Variants in BNC1 observed in about 807,000 individuals in gnomAD.
The protein encoded by BNC1 is basonuclin zinc finger protein 1.
BNC1 carries 8 observed loss-of-function variants against 66.5 expected under a neutral mutation model. That is an observed-to-expected ratio of 0.12 (90% CI 0.07 to 0.22). BNC1 has a LOEUF of 0.22. Among genes scored for constraint, BNC1 ranks in the 10% least tolerant of loss-of-function variants. The pLI, the probability that BNC1 is intolerant of heterozygous loss-of-function variation, is 1.00. For missense variants in BNC1, 1,069 were observed against 1,241.3 expected (o/e 0.86, Z 2.09); for synonymous variants, 454 against 452.6 (o/e 1.00, Z -0.04).
chr15:83,275,688 G>A (rs1197205472), intron 1 of BNC1, among the ~76,000 whole-genome samples: 1 of 152,076 alleles, frequency 6.6e-6, no homozygotes, highest in Non-Finnish European at 1.5e-5. Flanking sequence ...AAGTATTTAA[G>A]GGAGAAGGCA....
chr15:83,278,085 G>A (rs1178177763), intron 1 of BNC1, among the ~76,000 whole-genome samples: 2 of 152,106 alleles, frequency 1.3e-5, no homozygotes, highest in Admixed American at 6.5e-5. Context: ...AAGGACAACC[G>A]GGAAGAAGAG....
intron 1 of BNC1, chr15:83,283,437 G>C: frequency 8.0e-7 from 1 of 1,245,788 alleles, no homozygotes; most frequent in Non-Finnish European, 1.0e-6. Context: ...GCCGCCGCCC[G>C]GCTCCCAGCA....
intron 1 of BNC1, among the ~76,000 whole-genome samples, chr15:83,280,248 TC>T (rs1460221914): frequency 2.0e-5 from 3 of 152,212 alleles, no homozygotes; most frequent in Non-Finnish European, 4.4e-5. Flanking sequence ...ATATATTTTT[TC>T]CTTTATAACC....
At chr15:83,258,256 C>G in intron 4 of BNC1, 130 bp from the exon 5 acceptor site, 2 of 935,458 alleles carry the variant, frequency 2.1e-6, no homozygotes, top group Non-Finnish European at 3.1e-6. Context: ...AGGGGGTAGG[C>G]CCCCATGGGA....
intron 1 of BNC1, among the ~76,000 whole-genome samples, chr15:83,270,688 TTTTAGTA>T (rs549066221): frequency 1.1e-3 from 160 of 152,056 alleles, no homozygotes; most frequent in Non-Finnish European, 1.1e-3. Context: ...TTGTTTACCT[TTTTAGTA>T]TTGAGTTATA....
At chr15:83,266,248 T>C (rs1195215383) in intron 3 of BNC1, among the ~76,000 whole-genome samples, 1 of 73,896 alleles carries the variant, frequency 1.4e-5, no homozygotes, top group African/African-American at 5.0e-5. Context: ...AAAAGAAAAC[T>C]GGGGTGTGGG....
intron 1 of BNC1, 95 bp downstream of exon 1, chr15:83,284,435 C>A: frequency 1.2e-6 from 1 of 836,354 alleles, no homozygotes; most frequent in Non-Finnish European, 1.5e-6. Context: ...GGAGGTGGCC[C>A]TCGGGTACCC....
At chr15:83,283,573 A>C in intron 1 of BNC1, 2 of 932,244 alleles carry the variant, frequency 2.1e-6, no homozygotes, top group Non-Finnish European at 2.6e-6. Flanking sequence ...GGCGCTTCCC[A>C]TGCAAACCCC....
chr15:83,283,072 G>GCCCCCC, intron 1 of BNC1: 1 of 1,298,970 alleles, frequency 7.7e-7, no homozygotes, highest in Non-Finnish European at 1.0e-6. Flanking sequence ...GATGCCCCCC[G>GCCCCCC]CCCCCCAACC....
intron 1 of BNC1, among the ~76,000 whole-genome samples, chr15:83,275,254 C>T (rs1332546808): frequency 6.6e-6 from 1 of 152,198 alleles, no homozygotes; most frequent in Admixed American, 6.5e-5. Flanking sequence ...AATCCCAGCA[C>T]TTTGGAAGGC....
At position 83,264,808 on chromosome 15, in the gene BNC1, G is replaced by T. The variant is rs767699528; in HGVS notation, c.443C>A (p.Ser148Ter). 6.2e-7 allele frequency: 1 copy of T among 1,613,112 alleles called. No homozygotes were observed. Residue 148 changes from serine to a stop codon, truncating the protein, a stop_gained, in exon 4 of 5, where the codon TCA becomes TAA. Transcript: ENST00000345382. LOFTEE classifies it high-confidence loss of function. Reference protein sequence around the residue: ...YIRGYVLQDASGKVLDHWSIM... With the variant: ...YIRGYVLQDA ...GCTCCAGTGATCCAACACCTTTCCT[G>T]ATGCATCCTAAACCCAAACCAGATG...
chr15:83,281,229 C>G (rs2038375801), intron 1 of BNC1, among the ~76,000 whole-genome samples: 1 of 152,100 alleles, frequency 6.6e-6, no homozygotes, highest in African/African-American at 2.4e-5. Context: ...ACAAGATATG[C>G]AGAAATAAGG....
chr15:83,276,226 A>T (rs78185025), intron 1 of BNC1, among the ~76,000 whole-genome samples: 26 of 152,322 alleles, frequency 1.7e-4, no homozygotes, highest in Non-Finnish European at 3.2e-4. Flanking sequence ...CACAACAAGT[A>T]AGTTCTTCGG....
intron 1 of BNC1, among the ~76,000 whole-genome samples, 176 bp downstream of exon 1, chr15:83,284,354 G>A (rs2038420514): frequency 6.6e-6 from 1 of 151,606 alleles, no homozygotes. Context: ...GCCGCCTCCC[G>A]GCCGGAGACC....
At chr15:83,266,813 G>GA in intron 3 of BNC1, 23 bp downstream of exon 3, 1 of 1,602,412 alleles carries the variant, frequency 6.2e-7, no homozygotes, top group South Asian at 1.1e-5. Context: ...ACCCTAGGAG[G>GA]ACAATGTTCA....
chr15:83,274,881 G>A (rs1031928598), intron 1 of BNC1, among the ~76,000 whole-genome samples: 2 of 152,166 alleles, frequency 1.3e-5, no homozygotes. Flanking sequence ...GGATACTAGG[G>A]GAGGATTACG....
chr15:83,267,704 C>T (rs187895071), intron 2 of BNC1, among the ~76,000 whole-genome samples: 3 of 152,176 alleles, frequency 2.0e-5, no homozygotes, highest in South Asian at 2.1e-4. Flanking sequence ...TAAATCCAAA[C>T]GTAAATTTGA....
intron 1 of BNC1, among the ~76,000 whole-genome samples, chr15:83,282,876 A>ACT (rs920327210): frequency 1.3e-5 from 2 of 150,326 alleles, no homozygotes; most frequent in East Asian, 3.9e-4. Context: ...TCACACACAC[A>ACT]CTCTCTCTCT....
intron 1 of BNC1, among the ~76,000 whole-genome samples, chr15:83,273,480 T>G (rs1233236825): frequency 1.3e-5 from 2 of 152,238 alleles, no homozygotes; most frequent in African/African-American, 4.8e-5. Flanking sequence ...GTTTACAACA[T>G]TCTGAACTCA....
Sources: allele counts gnomAD v4.1 joint callset (sites outside exome capture counted in the v4.1 genomes callset), GRCh38; gene constraint gnomAD v4.1.1; transcripts MANE v1.5; gene names NCBI Gene and HGNC (gene_info 2026-07-23, HGNC 2026-07-21).